Variants in ENOX1 observed in about 807,000 individuals in gnomAD.
ENOX1 encodes candidate growth-related and time keeping constitutive hydroquinone (NADH) oxidase.
ENOX1 carries 42 observed loss-of-function variants against 82.5 expected under a neutral mutation model. The ratio of observed to expected loss-of-function variants is 0.51; its 90% CI spans 0.40 to 0.66. The LOEUF (loss-of-function observed/expected upper bound fraction) is 0.66. Ranked by LOEUF, ENOX1 falls within the 30% of genes least tolerant of loss-of-function variation. The pLI, the probability that ENOX1 is intolerant of heterozygous loss-of-function variation, is 0.00. For synonymous variants in ENOX1, 271 were observed against 282.2 expected (o/e 0.96, Z 0.40); for missense variants, 608 against 811.6 (o/e 0.75, Z 3.05).
intron 3 of ENOX1, among the ~76,000 whole-genome samples, chr13:43,426,760 T>C (rs2153611131): frequency 6.6e-6 from 1 of 152,302 alleles, no homozygotes; most frequent in East Asian, 1.9e-4. Flanking sequence ...ACTTGCACAC[T>C]GAAGTAGACA....
chr13:43,714,409 T>C (rs2087962222), intron 1 of ENOX1, among the ~76,000 whole-genome samples: 1 of 152,032 alleles, frequency 6.6e-6, no homozygotes, highest in Non-Finnish European at 1.5e-5. Flanking sequence ...GGGTGGAGAG[T>C]TCTGTAGATG....
At chr13:43,480,989 C>T (rs1245511034) in intron 3 of ENOX1, among the ~76,000 whole-genome samples, 8 of 152,110 alleles carry the variant, frequency 5.3e-5, no homozygotes, top group Admixed American at 5.2e-4. Context: ...TTTCCTAACT[C>T]ATTTTATAAA....
At chr13:43,221,826 G>A (rs1006865807) in intron 16 of ENOX1, among the ~76,000 whole-genome samples, 7 of 152,096 alleles carry the variant, frequency 4.6e-5, no homozygotes, top group Admixed American at 6.5e-5. Flanking sequence ...TGACATTACA[G>A]GACTGGGTGG....
chr13:43,579,743 C>A (rs2080618574), intron 2 of ENOX1, among the ~76,000 whole-genome samples: 1 of 152,126 alleles, frequency 6.6e-6, no homozygotes, highest in African/African-American at 2.4e-5. Flanking sequence ...GGAGGAATTG[C>A]AAAGACTTTG....
intron 3 of ENOX1, among the ~76,000 whole-genome samples, chr13:43,413,440 G>A (rs917091537): frequency 1.4e-4 from 21 of 151,884 alleles, no homozygotes; most frequent in African/African-American, 5.1e-4. Flanking sequence ...ATTCAGAGAG[G>A]GAAAAAAGTT....
chr13:43,409,971 G>C (rs2054024011), intron 5 of ENOX1, among the ~76,000 whole-genome samples: 1 of 152,084 alleles, frequency 6.6e-6, no homozygotes, highest in Non-Finnish European at 1.5e-5. Flanking sequence ...ACCCTGAAAG[G>C]CTCAAAAACA....
intron 12 of ENOX1, among the ~76,000 whole-genome samples, chr13:43,282,080 C>T (rs746805109): frequency 2.6e-5 from 4 of 152,118 alleles, no homozygotes; most frequent in Admixed American, 6.5e-5. Context: ...TTAAAACCTT[C>T]ATTTTTCTTG....
intron 1 of ENOX1, among the ~76,000 whole-genome samples, chr13:43,676,896 G>C (rs2085537044): frequency 6.6e-6 from 1 of 151,768 alleles, no homozygotes; most frequent in Admixed American, 6.6e-5. Context: ...ATTTATTACT[G>C]GTTGTCTTGC....
chr13:43,396,398 T>G (rs1371169761), intron 5 of ENOX1, among the ~76,000 whole-genome samples: 1 of 152,196 alleles, frequency 6.6e-6, no homozygotes, highest in East Asian at 1.9e-4. Context: ...TTTTCTTTTT[T>G]GAGACAGTTT....
intron 11 of ENOX1, among the ~76,000 whole-genome samples, chr13:43,304,462 C>T (rs866096675): frequency 6.6e-6 from 1 of 152,124 alleles, no homozygotes; most frequent in Non-Finnish European, 1.5e-5. Flanking sequence ...CATGTAAGTG[C>T]CGCCCATCCC....
intron 15 of ENOX1, among the ~76,000 whole-genome samples, chr13:43,225,359 G>A (rs2041979125): frequency 6.6e-6 from 1 of 152,176 alleles, no homozygotes; most frequent in Non-Finnish European, 1.5e-5. Context: ...CCAAACCTCA[G>A]AGTCATGCAA....
Position 43,234,188 on chromosome 13 carries a change from C to A in ENOX1, c.1714+2448G>T, listed in dbSNP as rs143429352. Among the ~76,000 whole-genome samples, 33 of 152,198 alleles carry A rather than the reference C, an allele frequency of 2.2e-4. No individual in the cohort carries two copies. In the East Asian group the frequency reaches 6.4e-3, roughly 29 times the overall value. ...ATCATTTAGTGGCAGGCAGAAACTG[C>A]AGCTTTTGGCAGGATCCATTTTGCT... On this transcript the variant is annotated intron_variant, in intron 15 of 16. Coordinates refer to ENST00000690772, the MANE Select transcript of ENOX1 (RefSeq NM_001347969.2).
intron 11 of ENOX1, among the ~76,000 whole-genome samples, chr13:43,305,339 C>T (rs145937203): frequency 2.0e-5 from 3 of 152,310 alleles, no homozygotes; most frequent in African/African-American, 7.2e-5. Flanking sequence ...ATTATTACAA[C>T]TTAGCATTGA....
intron 2 of ENOX1, among the ~76,000 whole-genome samples, chr13:43,499,692 C>A (rs1414782826): frequency 6.6e-6 from 1 of 151,864 alleles, no homozygotes; most frequent in Non-Finnish European, 1.5e-5. Context: ...CACAAAGATA[C>A]AAGGATCACA....
rs1432676755 is a variant in ENOX1 at position 43,643,662 on chromosome 13, T to C, written c.-219+23817A>G. Among the ~76,000 whole-genome samples the C allele has an allele frequency of 2.3e-4, 35 of 151,766 alleles. No individual in the cohort carries two copies. The East Asian group carries it at 6.6e-3, about 29-fold the overall frequency. On this transcript the variant is annotated intron_variant, in intron 2 of 16. Transcript: ENST00000690772. ...ATATATATATATACACACACATATA[T>C]ATATACATGCACATACATATAAATA...
At chr13:43,355,790 T>G in intron 8 of ENOX1, 129 bp downstream of exon 8, 1 of 966,862 alleles carries the variant, frequency 1.0e-6, no homozygotes, top group Non-Finnish European at 1.6e-6. Flanking sequence ...TACACCAGAC[T>G]CTTACAGCCT....
intron 14 of ENOX1, 91 bp downstream of exon 14, chr13:43,265,307 A>G: frequency 9.0e-7 from 1 of 1,109,932 alleles, no homozygotes; most frequent in Non-Finnish European, 1.3e-6. Flanking sequence ...AGAGCTTCTG[A>G]TTTCCTTTAT....
At chr13:43,704,254 G>A (rs1232320629) in intron 1 of ENOX1, among the ~76,000 whole-genome samples, 1 of 152,058 alleles carries the variant, frequency 6.6e-6, no homozygotes, top group Non-Finnish European at 1.5e-5. Flanking sequence ...ACAGGAATAA[G>A]TCCTGATGTA....
intron 5 of ENOX1, among the ~76,000 whole-genome samples, chr13:43,379,338 A>G (rs932529928): frequency 6.6e-6 from 1 of 152,292 alleles, no homozygotes; most frequent in African/African-American, 2.4e-5. Context: ...TGAGAAAAAT[A>G]AAACAGTAGA....
Sources: allele counts gnomAD v4.1 joint callset (sites outside exome capture counted in the v4.1 genomes callset), GRCh38; gene constraint gnomAD v4.1.1; transcripts MANE v1.5; gene names NCBI Gene and HGNC (gene_info 2026-07-23, HGNC 2026-07-21).